The following FSTL5 variants were observed in gnomAD, a reference collection of about 807,000 sequenced individuals.
The protein encoded by FSTL5 is follistatin-related protein 5.
In FSTL5, 62 loss-of-function variants were observed where a neutral mutation model predicts 89.1. The observed-to-expected ratio is 0.70, with a 90% CI of 0.57 to 0.86. The LOEUF (loss-of-function observed/expected upper bound fraction) is 0.86. Among genes scored for constraint, FSTL5 ranks in the 40% least tolerant of loss-of-function variants. The pLI, the probability that FSTL5 is intolerant of heterozygous loss-of-function variation, is 0.00. For missense variants in FSTL5, 1,057 were observed against 1,001.6 expected (o/e 1.06, Z -0.75); for synonymous variants, 383 against 346.2 (o/e 1.11, Z -1.18).
rs772552857 is a variant in FSTL5, at chr4:161,385,728, T to C, written c.*19A>G. ...ATGTATTGTAAAACGCTTCATTCAA[T>C]AATTGTATCGTAGGGTTTTTAGGCA... On this transcript the variant is annotated 3_prime_UTR_variant, in exon 16 of 16. Transcript: ENST00000306100. 5.4e-6 allele frequency: 8 copies of C among 1,481,278 alleles called. No homozygotes were observed. Among genetic ancestry groups the C allele is most frequent in the South Asian group, 5.2e-5 (4 of 77,660 alleles). The allele number at this position is 1,481,278 out of a possible 1,614,324, so 91.8% of individuals were successfully genotyped here. A position where few individuals can be genotyped will look rare whatever the true frequency, so the allele number is the denominator to read the frequency against.
chr4:162,038,530 T>C (rs1398913119), intron 2 of FSTL5, among the ~76,000 whole-genome samples: 3 of 151,900 alleles, frequency 2.0e-5, no homozygotes, highest in Admixed American at 6.6e-5. Context: ...ACAAATGAGC[T>C]GTAAGTGGTT....
At chr4:161,981,945 C>A (rs114088639) in intron 3 of FSTL5, among the ~76,000 whole-genome samples, 90 of 152,258 alleles carry the variant, frequency 5.9e-4, no homozygotes, top group Non-Finnish European at 1.1e-3. Flanking sequence ...AATCCAAGTT[C>A]TCTTCTGTTA....
At chr4:161,588,285 T>C (rs1256032960) in intron 7 of FSTL5, among the ~76,000 whole-genome samples, 24 of 152,126 alleles carry the variant, frequency 1.6e-4, no homozygotes, top group Admixed American at 1.4e-3. Context: ...ATTCTTCACA[T>C]TGGTAGTTAT....
At chr4:161,740,892 C>T (rs1289770716) in intron 6 of FSTL5, among the ~76,000 whole-genome samples, 3 of 152,140 alleles carry the variant, frequency 2.0e-5, no homozygotes, top group Admixed American at 6.5e-5. Context: ...AAGGTGCTGA[C>T]ATATTCAGCA....
At chr4:162,122,830 C>T (rs900630257) in intron 1 of FSTL5, among the ~76,000 whole-genome samples, 5 of 151,966 alleles carry the variant, frequency 3.3e-5, no homozygotes, top group Admixed American at 6.6e-5. Context: ...CCTAAGTTTG[C>T]GTAGTGTAAT....
intron 7 of FSTL5, among the ~76,000 whole-genome samples, chr4:161,630,476 T>G (rs2126655318): frequency 6.6e-6 from 1 of 152,326 alleles, no homozygotes; most frequent in African/African-American, 2.4e-5. Context: ...CAGCAATAAC[T>G]TTCTCATCAT....
intron 4 of FSTL5, among the ~76,000 whole-genome samples, chr4:161,904,700 T>C (rs1453838370): frequency 6.6e-6 from 1 of 151,742 alleles, no homozygotes; most frequent in East Asian, 1.9e-4. Flanking sequence ...AAAAAAATAT[T>C]AAAATTAGTA....
At chr4:161,449,217 A>C (rs1045429546) in intron 15 of FSTL5, among the ~76,000 whole-genome samples, 4 of 152,152 alleles carry the variant, frequency 2.6e-5, no homozygotes, top group African/African-American at 9.7e-5. Context: ...GCACACATAC[A>C]CACACACCCT....
At chr4:161,554,565 T>A (rs1732324453) in intron 8 of FSTL5, among the ~76,000 whole-genome samples, 1 of 151,660 alleles carries the variant, frequency 6.6e-6, no homozygotes, top group African/African-American at 2.4e-5. Flanking sequence ...ACTGACCCAA[T>A]ACAGTGACTT....
intron 7 of FSTL5, among the ~76,000 whole-genome samples, chr4:161,595,610 G>A (rs1448776533): frequency 1.3e-5 from 2 of 152,060 alleles, no homozygotes; most frequent in East Asian, 3.9e-4. Flanking sequence ...ACTACCTATT[G>A]ATTATAATCA....
chr4:161,811,385 T>C (rs1730141627), intron 4 of FSTL5, among the ~76,000 whole-genome samples: 1 of 152,200 alleles, frequency 6.6e-6, no homozygotes, highest in Non-Finnish European at 1.5e-5. Context: ...TTTCCTTTCA[T>C]GTAGATGCCG....
At chr4:162,135,840 T>C (rs936032212) in intron 1 of FSTL5, among the ~76,000 whole-genome samples, 3 of 152,088 alleles carry the variant, frequency 2.0e-5, no homozygotes, top group African/African-American at 7.2e-5. Context: ...GGCACTAAAA[T>C]TTTTGGATTT....
intron 3 of FSTL5, among the ~76,000 whole-genome samples, chr4:161,960,643 T>C (rs1735151381): frequency 6.6e-6 from 1 of 152,076 alleles, no homozygotes; most frequent in Non-Finnish European, 1.5e-5. Flanking sequence ...TTTGATATAT[T>C]TCATTATTGT....
rs79737187 is a variant in FSTL5, at chr4:161,535,449, T to C, written c.1312+2717A>G. 5.6e-3 allele frequency among the ~76,000 whole-genome samples: 857 copies of C among 152,114 alleles called. 8 individuals carry two copies. Among genetic ancestry groups the C allele is most frequent in the African/African-American group, 0.019 (801 of 41,498 alleles). On this transcript the variant is annotated intron_variant, in intron 10 of 15. Coordinates refer to ENST00000306100, the MANE Select transcript of FSTL5 (RefSeq NM_020116.5). ...AACAGACACTTATCGAAAGAAGCCA[T>C]ACAAATGGTCAGCAAACATATGAAA...
At chr4:161,520,878 G>T (rs1300431280) in intron 10 of FSTL5, among the ~76,000 whole-genome samples, 1 of 152,160 alleles carries the variant, frequency 6.6e-6, no homozygotes, top group Non-Finnish European at 1.5e-5. Flanking sequence ...ATTAATTGTA[G>T]AATTAATTTG....
At chr4:161,475,740 T>G (rs548216183) in intron 13 of FSTL5, among the ~76,000 whole-genome samples, 3 of 151,902 alleles carry the variant, frequency 2.0e-5, no homozygotes, top group Admixed American at 1.3e-4. Context: ...CAGGAATACA[T>G]TCTGTTGATT....
intron 4 of FSTL5, among the ~76,000 whole-genome samples, chr4:161,875,112 C>T (rs1309656441): frequency 1.3e-5 from 2 of 151,840 alleles, no homozygotes; most frequent in Non-Finnish European, 2.9e-5. Flanking sequence ...CTTGTTTGTT[C>T]CCGTTCAGAT....
intron 6 of FSTL5, among the ~76,000 whole-genome samples, chr4:161,740,286 C>A (rs1739970645): frequency 6.6e-6 from 1 of 152,060 alleles, no homozygotes; most frequent in African/African-American, 2.4e-5. Flanking sequence ...TCCCAAAGTG[C>A]TGGGATTACA....
chr4:161,863,505 G>A (rs192957933), intron 4 of FSTL5, among the ~76,000 whole-genome samples: 17 of 152,274 alleles, frequency 1.1e-4, no homozygotes, highest in Admixed American at 3.3e-4. Flanking sequence ...TGCGAGGCAT[G>A]ATGGTAGCAG....
Sources: gnomAD v4.1 joint callset for allele counts (sites outside exome capture counted in the v4.1 genomes callset) on GRCh38, gnomAD v4.1.1 for gene constraint, MANE v1.5 for transcripts, NCBI Gene and HGNC (gene_info 2026-07-23, HGNC 2026-07-21) for gene names.